Variants in SLCO5A1 observed in about 807,000 individuals in gnomAD.
The protein encoded by SLCO5A1 is solute carrier organic anion transporter family member 5A1, also known as organic anion transporter polypeptide-related protein 4.
A neutral mutation model predicts 65.1 loss-of-function variants in SLCO5A1; 39 were observed. That is an observed-to-expected ratio of 0.60 (90% CI 0.46 to 0.78). The LOEUF (loss-of-function observed/expected upper bound fraction) is 0.78, where lower values mean the gene tolerates loss of function less well. SLCO5A1 is among the 30% of genes least tolerant of loss of function. The probability of loss-of-function intolerance (pLI) is 0.00; values close to 1 mark genes in which losing one functional copy is unlikely to be tolerated. For missense variants in SLCO5A1, 1,029 were observed against 1,069.4 expected (o/e 0.96, Z 0.53); for synonymous variants, 438 against 415.7 (o/e 1.05, Z -0.65).
At chr8:69,787,863 G>T (rs1819105395) in intron 2 of SLCO5A1, among the ~76,000 whole-genome samples, 1 of 152,090 alleles carries the variant, frequency 6.6e-6, no homozygotes, top group African/African-American at 2.4e-5. Flanking sequence ...CAACCTTGAG[G>T]TCAAAACTAC....
At chr8:69,831,657 A>C in intron 2 of SLCO5A1, 110 bp downstream of exon 2, 1 of 1,189,742 alleles carries the variant, frequency 8.4e-7, no homozygotes, top group Non-Finnish European at 1.2e-6. Flanking sequence ...AGTGAACTTT[A>C]ATCTATAATA....
At chr8:69,783,306 T>G (rs1818879399) in intron 2 of SLCO5A1, among the ~76,000 whole-genome samples, 1 of 152,034 alleles carries the variant, frequency 6.6e-6, no homozygotes, top group Non-Finnish European at 1.5e-5. Flanking sequence ...TATTTTAAAA[T>G]AACTTTTAAA....
intron 5 of SLCO5A1, among the ~76,000 whole-genome samples, chr8:69,734,659 T>C (rs1187964359): frequency 6.6e-6 from 1 of 152,216 alleles, no homozygotes; most frequent in East Asian, 1.9e-4. Context: ...AGTCCTTCTG[T>C]AGGTGTTTGG....
chr8:69,783,524 A>C (rs1818891503), intron 2 of SLCO5A1, among the ~76,000 whole-genome samples: 1 of 151,956 alleles, frequency 6.6e-6, no homozygotes, highest in African/African-American at 2.4e-5. Context: ...TTTAATTTTT[A>C]AATTTTAAAA....
chr8:69,790,804 T>G (rs556612929), intron 2 of SLCO5A1, among the ~76,000 whole-genome samples: 22 of 152,212 alleles, frequency 1.4e-4, no homozygotes, highest in African/African-American at 5.3e-4. Flanking sequence ...AGCAGTCACA[T>G]GGGATTGGTA....
At chr8:69,735,754 C>T (rs1247673160) in intron 5 of SLCO5A1, among the ~76,000 whole-genome samples, 1 of 152,148 alleles carries the variant, frequency 6.6e-6, no homozygotes, top group African/African-American at 2.4e-5. Flanking sequence ...GTAGGTGCAG[C>T]AAACCACCAT....
intron 2 of SLCO5A1, among the ~76,000 whole-genome samples, chr8:69,819,887 C>T (rs899034842): frequency 1.3e-5 from 2 of 152,130 alleles, no homozygotes; most frequent in African/African-American, 2.4e-5. Context: ...CGCTTGAACC[C>T]GGGAGGTGGA....
chr8:69,721,094 C>T (rs1328026226), intron 5 of SLCO5A1, among the ~76,000 whole-genome samples: 1 of 152,198 alleles, frequency 6.6e-6, no homozygotes, highest in East Asian at 1.9e-4. Context: ...AAGTCCTGGC[C>T]AATGTGATGT....
At chr8:69,682,466 G>T in intron 6 of SLCO5A1, 123 bp from the exon 7 acceptor site, 1 of 926,922 alleles carries the variant, frequency 1.1e-6, no homozygotes, top group South Asian at 2.6e-5. Context: ...TCAAAGCCAT[G>T]ATACCCAAAG....
chr8:69,790,984 C>T (rs1819244011), intron 2 of SLCO5A1, among the ~76,000 whole-genome samples: 1 of 152,018 alleles, frequency 6.6e-6, no homozygotes, highest in African/African-American at 2.4e-5. Flanking sequence ...ATTGTACAAA[C>T]AGCATATTCC....
At chr8:69,713,755 A>G (rs1056822826) in intron 5 of SLCO5A1, 4 of 152,240 alleles carry the variant, frequency 2.6e-5, no homozygotes, top group Non-Finnish European at 4.4e-5. Context: ...GGAATACAGC[A>G]TTCTCTCCAC....
At chr8:69,686,157 A>G (rs572629448) in intron 6 of SLCO5A1, among the ~76,000 whole-genome samples, 1 of 151,784 alleles carries the variant, frequency 6.6e-6, no homozygotes, top group African/African-American at 2.4e-5. Context: ...CCTCTCTATT[A>G]AAAGATGTGA....
chr8:69,678,420 CAGA>C (rs1813634174), intron 8 of SLCO5A1, among the ~76,000 whole-genome samples: 1 of 152,130 alleles, frequency 6.6e-6, no homozygotes, highest in Admixed American at 6.5e-5. Context: ...ACTGAGGCTC[CAGA>C]AGAAGGTCTT....
intron 7 of SLCO5A1, among the ~76,000 whole-genome samples, chr8:69,680,157 T>A (rs570427335): frequency 6.4e-4 from 98 of 152,340 alleles, no homozygotes; most frequent in African/African-American, 2.2e-3. Context: ...TTATTTTAGA[T>A]GCAGGGAGTA....
chr8:69,795,035 AG>A (rs1819432386), intron 2 of SLCO5A1, among the ~76,000 whole-genome samples: 1 of 152,182 alleles, frequency 6.6e-6, no homozygotes, highest in Non-Finnish European at 1.5e-5. Context: ...ACCATTCATG[AG>A]GGACAACCCC....
Position 69,683,567 on chromosome 8 carries a change from C to CT in SLCO5A1, c.1623-1225dup, listed in dbSNP as rs199891720. 6.1e-3 allele frequency among the ~76,000 whole-genome samples: 895 copies of CT among 147,156 alleles called. 1 individual carries two copies. Among genetic ancestry groups the CT allele is most frequent in the Middle Eastern group, 0.021 (6 of 286 alleles). On this transcript the variant is annotated intron_variant, in intron 6 of 9. Coordinates refer to ENST00000260126, the MANE Select transcript of SLCO5A1 (RefSeq NM_030958.3). Reference sequence around the variant, plus strand: ...TCCCTCCCTCGCCACCAAGACTTATCTTTTTTTTTTTTTGAGAAGGAGTCT... The same window carrying CT: ...TCCCTCCCTCGCCACCAAGACTTATCTTTTTTTTTTTTTTGAGAAGGAGTCT...
rs150764683 is a variant in SLCO5A1, at chr8:69,732,976, A to C, written c.1423+5064T>G. ...TTCTAACACTTACTATTTGCCTTTC[A>C]GCAAGTTACTTAAACCCTTCTGGCC... On this transcript the variant is annotated intron_variant, in intron 5 of 9. Transcript: ENST00000260126. Among the ~76,000 whole-genome samples the C allele has an allele frequency of 1.7e-3, 257 of 152,120 alleles. 9 individuals carry two copies. In the East Asian group the frequency reaches 0.044, roughly 26 times the overall value.
Position 69,673,068 on chromosome 8 carries a change from C to T in SLCO5A1, c.2348G>A (p.Arg783Lys), listed in dbSNP as rs1417735929. The T allele has an allele frequency of 1.2e-6, 2 of 1,614,246 alleles. No homozygotes were observed. Among genetic ancestry groups the T allele is most frequent in the Non-Finnish European group, 1.7e-6 (2 of 1,180,046 alleles). ...REFPLSTVSE[R>K]VGHPDNARTR... The stretch of plus-strand genomic sequence containing the variant: ...CCGGGCATTGTCGGGGTGTCCCACT[C>T]TCTCACTCACGGTGCTCAGGGGAAA... The change falls in exon 10 of 10, where the codon AGA (arginine) becomes AAA (lysine). Residue 783 changes from arginine (R) to lysine (K), a missense_variant. Physicochemically the swap from Arg to Lys is conservative, Grantham distance 26. Around this residue, in one of 3 missense-constraint regions of SLCO5A1, gnomAD observed 258 missense variants for 237.4 expected, o/e 1.09. Transcript: ENST00000260126.
At chr8:69,781,836 T>G (rs939725291) in intron 2 of SLCO5A1, among the ~76,000 whole-genome samples, 1 of 152,068 alleles carries the variant, frequency 6.6e-6, no homozygotes, top group Non-Finnish European at 1.5e-5. Context: ...TTTGTATTTT[T>G]AGTAGAGACG....
Sources: allele counts gnomAD v4.1 joint callset (sites outside exome capture counted in the v4.1 genomes callset), GRCh38; gene constraint gnomAD v4.1.1; regional missense constraint gnomAD v4.1.1; transcripts MANE v1.5; gene names NCBI Gene and HGNC (gene_info 2026-07-23, HGNC 2026-07-21).